The following GOLM2 variants were observed in gnomAD, a reference collection of about 807,000 sequenced individuals.
GOLM2 encodes golgi membrane protein 2.
Under a neutral mutation model 55.9 loss-of-function variants are expected in GOLM2, and 26 were observed. The observed-to-expected ratio is 0.47, with a 90% CI of 0.34 to 0.65. The LOEUF (loss-of-function observed/expected upper bound fraction) is 0.65, where lower values mean the gene tolerates loss of function less well. Among genes scored for constraint, GOLM2 ranks in the 30% least tolerant of loss-of-function variants. The pLI is 0.01. For synonymous variants in GOLM2, 165 were observed against 194.6 expected (o/e 0.85, Z 1.27); for missense variants, 486 against 531.8 (o/e 0.91, Z 0.85).
chr15:44,300,212 A>G (rs1460703915), intron 1 of GOLM2, among the ~76,000 whole-genome samples: 2 of 149,934 alleles, frequency 1.3e-5, no homozygotes, highest in Non-Finnish European at 3.0e-5. Context: ...GAGAAAGAGG[A>G]AGAAAGAGGG....
At chr15:44,344,650 G>A (rs1487724257) in intron 6 of GOLM2, among the ~76,000 whole-genome samples, 2 of 151,944 alleles carry the variant, frequency 1.3e-5, no homozygotes, top group African/African-American at 2.4e-5. Context: ...GAGTACAGTG[G>A]CATGGTCATA....
chr15:44,389,043 TC>T (rs957874355), intron 8 of GOLM2, among the ~76,000 whole-genome samples: 4 of 152,120 alleles, frequency 2.6e-5, no homozygotes, highest in African/African-American at 9.6e-5. Context: ...AGTCTTGATC[TC>T]CTGACCTCGT....
In GOLM2 at chr15:44,369,056, A is replaced by AT. The variant is rs564403832; in HGVS notation, c.803-10634_803-10633insT. On this transcript the variant is annotated intron_variant, in intron 6 of 9. Coordinates refer to ENST00000299957, the MANE Select transcript of GOLM2 (RefSeq NM_138423.4). Reference sequence around the variant, plus strand: ...GAACTAATAGGAGATATATACATATAATAGGATATATTATATATATATATA... The same window carrying AT: ...GAACTAATAGGAGATATATACATATATATAGGATATATTATATATATATATA... Among the ~76,000 whole-genome samples the AT allele has an allele frequency of 5.9e-3, 633 of 107,762 alleles. 16 individuals are homozygous for AT. The highest frequency in any genetic ancestry group is 0.021 in the African/African-American group (604 of 29,026). The allele number at this position is 107,762 out of a possible 152,430, so 70.7% of individuals were successfully genotyped here. A position where few individuals can be genotyped will look rare whatever the true frequency, so the allele number is the denominator to read the frequency against.
chr15:44,297,374 T>C (rs538275411), intron 1 of GOLM2, among the ~76,000 whole-genome samples: 4 of 152,268 alleles, frequency 2.6e-5, no homozygotes, highest in Admixed American at 2.0e-4. Context: ...ATAGAATGGC[T>C]CTAGCTACCT....
intron 9 of GOLM2, among the ~76,000 whole-genome samples, chr15:44,404,440 T>A (rs2079584764): frequency 6.6e-6 from 1 of 152,162 alleles, no homozygotes; most frequent in Non-Finnish European, 1.5e-5. Context: ...TGCTAGGAGT[T>A]ATATAAGGTT....
chr15:44,338,197 A>G, intron 5 of GOLM2, 40 bp from the exon 6 acceptor site: 1 of 1,572,108 alleles, frequency 6.4e-7, no homozygotes, highest in Non-Finnish European at 8.7e-7. Flanking sequence ...AAATTATGTA[A>G]GAAAAACGAT....
At chr15:44,298,035 A>AT (rs918177853) in intron 1 of GOLM2, among the ~76,000 whole-genome samples, 1 of 144,506 alleles carries the variant, frequency 6.9e-6, no homozygotes, top group African/African-American at 2.6e-5. Flanking sequence ...GCCTGGCTAA[A>AT]TTTTTTTGTA....
chr15:44,344,749 T>A (rs1450167725), intron 6 of GOLM2, among the ~76,000 whole-genome samples: 1 of 151,604 alleles, frequency 6.6e-6, no homozygotes, highest in Non-Finnish European at 1.5e-5. Flanking sequence ...TGCCACCACA[T>A]GCAAAACTTA....
intron 4 of GOLM2, among the ~76,000 whole-genome samples, chr15:44,336,055 C>T (rs2079054320): frequency 1.3e-5 from 2 of 152,098 alleles, no homozygotes; most frequent in South Asian, 4.2e-4. Context: ...CTTCATGATC[C>T]ACCCGCCTCT....
At chr15:44,392,482 G>A (rs998426422) in intron 8 of GOLM2, among the ~76,000 whole-genome samples, 1 of 151,944 alleles carries the variant, frequency 6.6e-6, no homozygotes, top group Non-Finnish European at 1.5e-5. Context: ...AATTAGCTGG[G>A]TGCGGTGGTG....
At chr15:44,344,436 G>T (rs1324367595) in intron 6 of GOLM2, among the ~76,000 whole-genome samples, 1 of 151,786 alleles carries the variant, frequency 6.6e-6, no homozygotes, top group Non-Finnish European at 1.5e-5. Flanking sequence ...GCTTGATTTG[G>T]AACTAATCGC....
intron 6 of GOLM2, 37 bp from the exon 7 acceptor site, chr15:44,379,653 C>G: frequency 2.3e-6 from 1 of 438,260 alleles, no homozygotes; most frequent in East Asian, 5.5e-5. Flanking sequence ...ATCATAGTAT[C>G]AATGGGAATA....
intron 1 of GOLM2, among the ~76,000 whole-genome samples, chr15:44,306,611 T>G (rs966963223): frequency 6.6e-6 from 1 of 152,162 alleles, no homozygotes; most frequent in African/African-American, 2.4e-5. Flanking sequence ...GAGGCCTAGC[T>G]TTTGGCCTGT....
chr15:44,344,030 C>T (rs929013530), intron 6 of GOLM2, among the ~76,000 whole-genome samples: 4 of 151,488 alleles, frequency 2.6e-5, no homozygotes, highest in African/African-American at 4.8e-5. Context: ...TAGGCTGAGG[C>T]GGGAGGGTCG....
intron 8 of GOLM2, among the ~76,000 whole-genome samples, chr15:44,382,485 C>A (rs1567040516): frequency 6.6e-6 from 1 of 152,010 alleles, no homozygotes; most frequent in Non-Finnish European, 1.5e-5. Flanking sequence ...CATCACCATG[C>A]CTGGCTAATT....
chr15:44,366,310 A>AAACCAAAAC lies in GOLM2; in HGVS notation c.803-13378_803-13377insCCAAAACAA, dbSNP rs796413018. On this transcript the variant is annotated intron_variant, in intron 6 of 9. Coordinates refer to ENST00000299957, the MANE Select transcript of GOLM2 (RefSeq NM_138423.4). Reference sequence around the variant, plus strand: ...AGACTCCGTCTCAAAAAAAAAAAAAAAAAACAAAACAAACAAACCACAAAA... The same window carrying AAACCAAAAC: ...AGACTCCGTCTCAAAAAAAAAAAAAAAACCAAAACAAAACAAAACAAACAAACCACAAAA... Among the ~76,000 whole-genome samples, 5 of 150,534 alleles carry AAACCAAAAC rather than the reference A, an allele frequency of 3.3e-5. No individual in the cohort carries two copies. The East Asian group carries it at 1.0e-3, about 30-fold the overall frequency.
intron 6 of GOLM2, among the ~76,000 whole-genome samples, chr15:44,339,052 T>A (rs1172918174): frequency 6.6e-6 from 1 of 152,190 alleles, no homozygotes; most frequent in Non-Finnish European, 1.5e-5. Flanking sequence ...CCTCTACTGC[T>A]TTTGGCTGAT....
In GOLM2 at chr15:44,391,459, G is replaced by A. The variant is rs572070036; in HGVS notation, c.1072+10483G>A. Among the ~76,000 whole-genome samples, 192 of 151,810 alleles carry A rather than the reference G, an allele frequency of 1.3e-3. 2 individuals are homozygous for A. Among genetic ancestry groups the A allele is most frequent in the Admixed American group, 4.3e-3 (65 of 15,246 alleles). ...GTGAACCCGGGAGGTGGAGGTTGCAGTGAGCCAAGATTGCGCCACTGTACT... is the reference window on the plus strand; with the variant it reads ...GTGAACCCGGGAGGTGGAGGTTGCAATGAGCCAAGATTGCGCCACTGTACT... On this transcript the variant is annotated intron_variant, in intron 8 of 9. Coordinates refer to ENST00000299957, the MANE Select transcript of GOLM2 (RefSeq NM_138423.4).
chr15:44,306,531 A>G (rs2078838274), intron 1 of GOLM2, among the ~76,000 whole-genome samples: 2 of 152,222 alleles, frequency 1.3e-5, no homozygotes, highest in Non-Finnish European at 2.9e-5. Context: ...TCATGTGTTC[A>G]CTAAAGTAAC....
Sources: gnomAD v4.1 joint callset for allele counts (sites outside exome capture counted in the v4.1 genomes callset) on GRCh38, gnomAD v4.1.1 for gene constraint, MANE v1.5 for transcripts, NCBI Gene and HGNC (gene_info 2026-07-23, HGNC 2026-07-21) for gene names.